The following KCNQ5 variants were observed in gnomAD, a reference collection of about 807,000 sequenced individuals.
The protein encoded by KCNQ5 is potassium voltage-gated channel subfamily Q member 5.
In KCNQ5, 30 loss-of-function variants were observed where a neutral mutation model predicts 98.2. The ratio of observed to expected loss-of-function variants is 0.31; its 90% confidence interval spans 0.23 to 0.41. The LOEUF (loss-of-function observed/expected upper bound fraction) is 0.41. KCNQ5 is among the 10% of genes least tolerant of loss of function. The pLI is 1.00. For synonymous variants in KCNQ5, 458 were observed against 449.4 expected (o/e 1.02, Z -0.24); for missense variants, 835 against 1,182.5 (o/e 0.71, Z 4.31).
intron 1 of KCNQ5, among the ~76,000 whole-genome samples, chr6:72,633,220 G>T (rs188327520): frequency 6.6e-6 from 1 of 152,094 alleles, no homozygotes; most frequent in Non-Finnish European, 1.5e-5. Flanking sequence ...GGGGCCACTC[G>T]TATGTCTTCT....
rs1049066351 is a variant in KCNQ5 at position 72,622,081 on chromosome 6, G to C, written c.-109G>C. 2 of 968,150 alleles carry C rather than the reference G, an allele frequency of 2.1e-6. No individual in the cohort carries two copies. Among genetic ancestry groups the C allele is most frequent in the Non-Finnish European group, 2.6e-6 (2 of 755,234 alleles). The allele number at this position is 968,150 out of a possible 1,614,324, so 60.0% of individuals were successfully genotyped here. A position where few individuals can be genotyped will look rare whatever the true frequency, so the allele number is the denominator to read the frequency against. On this transcript the variant is annotated 5_prime_UTR_variant, in exon 1 of 14. Transcript: ENST00000370398. This position sits in a 1 kb window ranked among gnomAD's most constrained non-coding sequence, Gnocchi z 6.0. ...CCCGGCTCAGAGGTCTCTGGCTGGC[G>C]GGCGCCCCGTCGGCCGCCGGCTTCC... is the stretch of plus-strand genomic sequence containing the variant.
At chr6:73,095,184 AATT>A (rs1357491084) in intron 5 of KCNQ5, among the ~76,000 whole-genome samples, 2 of 152,078 alleles carry the variant, frequency 1.3e-5, no homozygotes, top group Non-Finnish European at 2.9e-5. Context: ...AGAGCTCTGA[AATT>A]CTTTCTTCTA....
chr6:72,859,674 C>G (rs1259522623), intron 1 of KCNQ5, among the ~76,000 whole-genome samples: 1 of 152,028 alleles, frequency 6.6e-6, no homozygotes, highest in Non-Finnish European at 1.5e-5. Context: ...TCGACCTCCC[C>G]AGGCTCAGGT....
chr6:72,728,442 A>G (rs923091904), intron 1 of KCNQ5, among the ~76,000 whole-genome samples: 10 of 152,194 alleles, frequency 6.6e-5, no homozygotes, highest in African/African-American at 2.2e-4. Flanking sequence ...CCCAACATGT[A>G]ATAGTGGAGT....
rs1016807351 is a variant in KCNQ5 at position 72,766,917 on chromosome 6, G to T, written c.398+144330G>T. 2.6e-5 allele frequency among the ~76,000 whole-genome samples: 4 copies of T among 151,900 alleles called. No homozygotes were observed. In the South Asian group the frequency reaches 6.2e-4, roughly 24 times the overall value. ...TGTGTGTCATCACAGCATAAAGATGGTATTTAAGCTATGTAACTAAATGAA... is the reference window on the plus strand; with the variant it reads ...TGTGTGTCATCACAGCATAAAGATGTTATTTAAGCTATGTAACTAAATGAA... On this transcript the variant is annotated intron_variant, in intron 1 of 13. Transcript: ENST00000370398.
At chr6:73,084,788 T>G (rs1454943561) in intron 5 of KCNQ5, among the ~76,000 whole-genome samples, 1 of 152,182 alleles carries the variant, frequency 6.6e-6, no homozygotes, top group African/African-American at 2.4e-5. Flanking sequence ...GGTTCTTGTG[T>G]GGGCCTGCCC....
At chr6:72,697,234 T>G (rs926444214) in intron 1 of KCNQ5, among the ~76,000 whole-genome samples, 10 of 152,306 alleles carry the variant, frequency 6.6e-5, no homozygotes, top group African/African-American at 1.4e-4. Context: ...ATAGGATGGT[T>G]GTTTTTACTG....
At chr6:72,985,862 G>A (rs1211908288) in intron 1 of KCNQ5, among the ~76,000 whole-genome samples, 1 of 152,178 alleles carries the variant, frequency 6.6e-6, no homozygotes, top group Non-Finnish European at 1.5e-5. Context: ...ATGTACTCCT[G>A]TGTTCATTGC....
rs1777233869 is a variant in KCNQ5 at position 73,153,506 on chromosome 6, G to A, written c.1469-16240G>A. Among the ~76,000 whole-genome samples, 4 of 152,162 alleles carry A rather than the reference G, an allele frequency of 2.6e-5. No individual in the cohort carries two copies. The South Asian group carries it at 8.3e-4, about 32-fold the overall frequency. The stretch of plus-strand genomic sequence containing the variant: ...CACAGCATAAACTATAATCCTTATT[G>A]TGGATGAAAGCCAAAAAAGTCAGTT... On this transcript the variant is annotated intron_variant, in intron 10 of 13. Transcript: ENST00000370398.
At chr6:73,193,761 AC>A (rs1319645378) in intron 13 of KCNQ5, among the ~76,000 whole-genome samples, 1 of 151,796 alleles carries the variant, frequency 6.6e-6, no homozygotes, top group Non-Finnish European at 1.5e-5. Context: ...TAAGTTCCTT[AC>A]TAGATTTCTG....
intron 5 of KCNQ5, among the ~76,000 whole-genome samples, chr6:73,100,511 C>CAA (rs70994162): frequency 3.2e-4 from 47 of 148,970 alleles, no homozygotes; most frequent in South Asian, 1.1e-3. Context: ...CTAAAAAATA[C>CAA]AAAAAAAAAT....
chr6:72,689,377 A>C (rs1228202389), intron 1 of KCNQ5, among the ~76,000 whole-genome samples: 3 of 152,210 alleles, frequency 2.0e-5, no homozygotes, highest in African/African-American at 7.2e-5. Flanking sequence ...CTTCGATCTC[A>C]AGCAACATCC....
At chr6:72,838,639 C>T (rs752939740) in intron 1 of KCNQ5, among the ~76,000 whole-genome samples, 1 of 152,212 alleles carries the variant, frequency 6.6e-6, no homozygotes, top group Non-Finnish European at 1.5e-5. Flanking sequence ...ATATTTTATT[C>T]TCTAGACGTC....
At chr6:73,093,899 C>G (rs1774360621) in intron 5 of KCNQ5, among the ~76,000 whole-genome samples, 1 of 152,062 alleles carries the variant, frequency 6.6e-6, no homozygotes, top group South Asian at 2.1e-4. Context: ...ATGGAATGTT[C>G]TGTATATATC....
chr6:73,056,140 G>T (rs1289545757), intron 3 of KCNQ5, among the ~76,000 whole-genome samples: 1 of 152,178 alleles, frequency 6.6e-6, no homozygotes, highest in East Asian at 1.9e-4. Flanking sequence ...CAAGTGCTTT[G>T]TTTACTAAGG....
At chr6:72,814,518 C>T (rs1009109197) in intron 1 of KCNQ5, among the ~76,000 whole-genome samples, 2 of 152,218 alleles carry the variant, frequency 1.3e-5, no homozygotes, top group African/African-American at 4.8e-5. Context: ...GGAAGTTAAG[C>T]ATTTTTGCAT....
intron 3 of KCNQ5, among the ~76,000 whole-genome samples, chr6:73,054,037 AAAAAACCCTCAGAGACTACT>A (rs1218856802): frequency 6.6e-6 from 1 of 152,180 alleles, no homozygotes; most frequent in East Asian, 1.9e-4. Flanking sequence ...ACAAAAATTT[AAAAAACCCTCAGAGACTACT>A]AAAAACACCT....
intron 1 of KCNQ5, among the ~76,000 whole-genome samples, chr6:72,641,548 C>G (rs958742759): frequency 6.6e-6 from 1 of 152,012 alleles, no homozygotes; most frequent in African/African-American, 2.4e-5. Flanking sequence ...AAATCCTGCC[C>G]TGCTTGAGAG....
At chr6:72,747,879 G>T (rs937212604) in intron 1 of KCNQ5, among the ~76,000 whole-genome samples, 3 of 152,152 alleles carry the variant, frequency 2.0e-5, no homozygotes, top group African/African-American at 7.2e-5. Context: ...TATAAATAAA[G>T]AAAAGGCTTT....
Sources: allele counts gnomAD v4.1 joint callset (sites outside exome capture counted in the v4.1 genomes callset), GRCh38; gene constraint gnomAD v4.1.1; non-coding constraint Gnocchi (gnomAD v3.1); transcripts MANE v1.5; gene names NCBI Gene and HGNC (gene_info 2026-07-23, HGNC 2026-07-21).